PLEKHM3: variants seen among roughly 807,000 people sequenced by gnomAD.
PLEKHM3 encodes the protein pleckstrin homology domain-containing family M member 3.
Under a neutral mutation model 81.8 loss-of-function variants are expected in PLEKHM3, and 45 were observed. That is an observed-to-expected ratio of 0.55 (90% CI 0.43 to 0.71). PLEKHM3 has a LOEUF of 0.71. PLEKHM3 is among the 30% of genes least tolerant of loss of function. The pLI is 0.00. For missense variants in PLEKHM3, 788 were observed against 924.3 expected, an observed-to-expected ratio of 0.85 and a Z score of 1.91; for synonymous variants, 352 against 356.4, an observed-to-expected ratio of 0.99 and a Z score of 0.14.
intron 7 of PLEKHM3, among the ~76,000 whole-genome samples, chr2:207,829,191 T>G (rs1333898744): frequency 6.6e-6 from 1 of 152,156 alleles, no homozygotes; most frequent in Admixed American, 6.5e-5. Context: ...GAGCAAACAT[T>G]CCAGGTGGAT....
At chr2:207,959,315 T>C (rs1297378693) in intron 3 of PLEKHM3, among the ~76,000 whole-genome samples, 1 of 152,172 alleles carries the variant, frequency 6.6e-6, no homozygotes, top group Non-Finnish European at 1.5e-5. Flanking sequence ...CTACTAACTC[T>C]CTTTTTGTGA....
At chr2:207,981,012 C>T (rs1691503745) in intron 2 of PLEKHM3, among the ~76,000 whole-genome samples, 3 of 151,358 alleles carry the variant, frequency 2.0e-5, no homozygotes, top group African/African-American at 7.3e-5. Flanking sequence ...CCTGTAATCC[C>T]AGCTACTCGG....
intron 6 of PLEKHM3, among the ~76,000 whole-genome samples, chr2:207,870,709 T>C (rs1352051477): frequency 2.0e-5 from 3 of 152,232 alleles, no homozygotes; most frequent in African/African-American, 7.2e-5. Context: ...AAAAACAGCC[T>C]GTGGATTCTG....
intron 2 of PLEKHM3, among the ~76,000 whole-genome samples, chr2:207,995,401 C>T (rs1692086375): frequency 6.6e-6 from 1 of 152,176 alleles, no homozygotes; most frequent in African/African-American, 2.4e-5. Flanking sequence ...CCACCAACTA[C>T]CCCCATAGAG....
intron 3 of PLEKHM3, among the ~76,000 whole-genome samples, chr2:207,947,453 G>A (rs1690172970): frequency 6.6e-6 from 1 of 152,202 alleles, no homozygotes; most frequent in Non-Finnish European, 1.5e-5. Context: ...TAGATAGGAA[G>A]AACTACCTTC....
At chr2:207,955,751 C>A (rs1370413560) in intron 3 of PLEKHM3, among the ~76,000 whole-genome samples, 1 of 151,168 alleles carries the variant, frequency 6.6e-6, no homozygotes. Flanking sequence ...GAAAAACTGT[C>A]CCCTGCAGAT....
intron 3 of PLEKHM3, among the ~76,000 whole-genome samples, chr2:207,972,711 T>C (rs1000875182): frequency 6.6e-6 from 1 of 152,054 alleles, no homozygotes; most frequent in African/African-American, 2.4e-5. Context: ...AAAAATCAAG[T>C]ACACATTTAA....
At chr2:207,855,290 A>G (rs2092432008) in intron 7 of PLEKHM3, among the ~76,000 whole-genome samples, 1 of 152,166 alleles carries the variant, frequency 6.6e-6, no homozygotes, top group Non-Finnish European at 1.5e-5. Flanking sequence ...GGAACAAAGG[A>G]GCCTACTGAG....
At chr2:207,869,825 A>T (rs1281557446) in intron 6 of PLEKHM3, 1 of 152,182 alleles carries the variant, frequency 6.6e-6, no homozygotes, top group Non-Finnish European at 1.5e-5. Context: ...GTGTGAAAGA[A>T]GCCCATGAAA....
chr2:208,006,556 G>A (rs549706291), intron 1 of PLEKHM3, among the ~76,000 whole-genome samples: 8 of 152,152 alleles, frequency 5.3e-5, no homozygotes, highest in East Asian at 1.9e-4. Context: ...ATTGCTTTGC[G>A]TGTGGATCAT....
At chr2:207,921,870 T>C (rs1226139750) in intron 5 of PLEKHM3, among the ~76,000 whole-genome samples, 1 of 152,236 alleles carries the variant, frequency 6.6e-6, no homozygotes, top group Non-Finnish European at 1.5e-5. Flanking sequence ...TGGTACTTCA[T>C]TGTGTATATT....
rs2092222159 is a variant in PLEKHM3, at chr2:207,822,219, CCAAA to C, written c.*6096_*6099del. 6.6e-6 allele frequency: 1 copy of C among 152,408 alleles called. No individual in the cohort carries two copies. 9.4% of individuals were successfully genotyped at this position (152,408 alleles called of 1,614,324 possible). A position where few individuals can be genotyped will look rare whatever the true frequency, so the allele number is the denominator to read the frequency against. ...CACAAAGCTAATTTGATAGCTCACGCCAAACAAAGAGACATTTTTATCACAATTT... is the reference window on the plus strand; with the variant it reads ...CACAAAGCTAATTTGATAGCTCACGCCAAAGAGACATTTTTATCACAATTT... On this transcript the variant is annotated 3_prime_UTR_variant, in exon 8 of 8. Transcript: ENST00000427836.
intron 1 of PLEKHM3, among the ~76,000 whole-genome samples, chr2:208,003,836 A>G (rs1692397950): frequency 6.6e-6 from 1 of 152,214 alleles, no homozygotes; most frequent in African/African-American, 2.4e-5. Context: ...AATATAATAA[A>G]TCTTAAAACG....
At chr2:207,946,323 C>T (rs1574431350) in intron 4 of PLEKHM3, 44 bp downstream of exon 4, 2 of 1,581,328 alleles carry the variant, frequency 1.3e-6, no homozygotes, top group East Asian at 2.3e-5. Context: ...AACATATGAA[C>T]ACCTGAATTA....
rs201717371 is a variant in PLEKHM3, at chr2:207,828,364, T to C, written c.2241A>G (p.Leu747=). 6.8e-6 allele frequency: 11 copies of C among 1,613,940 alleles called. No homozygotes were observed. Among genetic ancestry groups the C allele is most frequent in the Admixed American group, 3.3e-5 (2 of 60,004 alleles). The change falls in exon 8 of 8, where the codon CTA becomes CTG. Residue 747 remains leucine (L), a synonymous_variant. Coordinates refer to ENST00000427836, the MANE Select transcript of PLEKHM3 (RefSeq NM_001080475.3). ...GCTCGAACATGGTGCAAGCCTCCTC[T>C]AGACTCTCGTCCATGTTCAGTCTCT... ...FWQRLNMDES[L]EEACTMFELS...
At chr2:207,925,014 A>G (rs1311452903) in intron 5 of PLEKHM3, among the ~76,000 whole-genome samples, 1 of 152,152 alleles carries the variant, frequency 6.6e-6, no homozygotes, top group Non-Finnish European at 1.5e-5. Flanking sequence ...GTGTCAGAGG[A>G]GAGTGCAATC....
intron 6 of PLEKHM3, among the ~76,000 whole-genome samples, chr2:207,869,349 T>TC (rs1574353189): frequency 6.6e-6 from 1 of 152,058 alleles, no homozygotes. Flanking sequence ...GTGTAGCTCT[T>TC]CCCCCATTTC....
At chr2:208,011,064 C>CAA (rs10587149) in intron 1 of PLEKHM3, among the ~76,000 whole-genome samples, 32 of 65,054 alleles carry the variant, frequency 4.9e-4, no homozygotes, top group East Asian at 9.7e-4. Flanking sequence ...TGGCCATAAT[C>CAA]AAAAAAAAAA....
At chr2:207,850,718 AG>A in intron 7 of PLEKHM3, among the ~76,000 whole-genome samples, 1 of 152,160 alleles carries the variant, frequency 6.6e-6, no homozygotes, top group East Asian at 1.9e-4. Flanking sequence ...GCTGCATAGG[AG>A]GCAATTTAAG....
Sources: allele counts gnomAD v4.1 joint callset (sites outside exome capture counted in the v4.1 genomes callset), GRCh38; gene constraint gnomAD v4.1.1; transcripts MANE v1.5; gene names NCBI Gene and HGNC (gene_info 2026-07-23, HGNC 2026-07-21).